Variants in SCYL3 observed in about 807,000 individuals in gnomAD.
The protein encoded by SCYL3 is SCY1 like pseudokinase 3, also known as protein-associating with the carboxyl-terminal domain of ezrin.
Under a neutral mutation model 73.8 loss-of-function variants are expected in SCYL3, and 35 were observed. That is an observed-to-expected ratio of 0.47 (90% CI 0.36 to 0.63). The LOEUF is 0.63. Ranked by LOEUF, SCYL3 falls within the 20% of genes least tolerant of loss-of-function variation. The probability of loss-of-function intolerance (pLI) is 0.00; values close to 1 mark genes in which losing one functional copy is unlikely to be tolerated. For missense variants in SCYL3, 712 were observed against 798.9 expected, an observed-to-expected ratio of 0.89 and a Z score of 1.31; for synonymous variants, 277 against 295.2, an observed-to-expected ratio of 0.94 and a Z score of 0.63.
At chr1:169,892,239 T>C (rs1662136861) in intron 1 of SCYL3, among the ~76,000 whole-genome samples, 1 of 151,780 alleles carries the variant, frequency 6.6e-6, no homozygotes, top group Non-Finnish European at 1.5e-5. Flanking sequence ...TACTGTTATA[T>C]GAAGAAGTTT....
chr1:169,851,035 G>T lies in SCYL3; in HGVS notation c.*2678C>A, dbSNP rs1482633147. 3.3e-5 allele frequency: 1 copy of T among 30,568 alleles called. No individual in the cohort carries two copies. The highest frequency in any genetic ancestry group is 1.1e-4 in the African/African-American group (1 of 9,432). The allele number at this position is 30,568 out of a possible 1,614,324, so 1.9% of individuals were successfully genotyped here. ...TGGGCAGCCTCCCAAGCCAGGGTAA[G>T]CTCAGGGCCCTTTTTTTTTTTTTTT... On this transcript the variant is annotated 3_prime_UTR_variant, in exon 13 of 13. Coordinates refer to ENST00000367771, the MANE Select transcript of SCYL3 (RefSeq NM_020423.7).
chr1:169,876,892 T>C (rs1330897307), intron 3 of SCYL3, among the ~76,000 whole-genome samples: 1 of 139,514 alleles, frequency 7.2e-6, no homozygotes, highest in Non-Finnish European at 1.5e-5. Flanking sequence ...GAGGTGGAGC[T>C]TGCAGTGAGC....
intron 2 of SCYL3, among the ~76,000 whole-genome samples, chr1:169,886,141 C>T (rs1317289217): frequency 6.6e-6 from 1 of 152,076 alleles, no homozygotes; most frequent in Non-Finnish European, 1.5e-5. Flanking sequence ...TGAAACCCCA[C>T]CTCTACTAAA....
chr1:169,873,643 C>T (rs779673395), intron 5 of SCYL3, 53 bp downstream of exon 5: 2 of 1,264,170 alleles, frequency 1.6e-6, no homozygotes, highest in Non-Finnish European at 2.2e-6. Context: ...TTTAAAATTT[C>T]ATACTCAATT....
At chr1:169,892,057 T>A (rs917521925) in intron 1 of SCYL3, among the ~76,000 whole-genome samples, 1 of 152,224 alleles carries the variant, frequency 6.6e-6, no homozygotes, top group Non-Finnish European at 1.5e-5. Flanking sequence ...ATGTTAACTT[T>A]GACAGAAGTC....
intron 10 of SCYL3, among the ~76,000 whole-genome samples, chr1:169,860,296 C>G (rs954597934): frequency 3.9e-5 from 6 of 152,190 alleles, no homozygotes; most frequent in Non-Finnish European, 8.8e-5. Context: ...CAGTTACTTG[C>G]AACCAAAAAC....
Position 169,852,588 on chromosome 1 carries a change from T to TAGC in SCYL3, c.*1122_*1124dup, listed in dbSNP as rs1200949910. The TAGC allele has an allele frequency of 5.1e-6, 3 of 586,390 alleles. No homozygotes were observed. Among genetic ancestry groups the TAGC allele is most frequent in the African/African-American group, 3.7e-5 (2 of 53,604 alleles). The allele number at this position is 586,390 out of a possible 1,614,324, so 36.3% of individuals were successfully genotyped here. On this transcript the variant is annotated 3_prime_UTR_variant, in exon 13 of 13. Coordinates refer to ENST00000367771, the MANE Select transcript of SCYL3 (RefSeq NM_020423.7). ...CACATACAAACTAAGACACTGGTAGTAGCACTCTGAATTGCTATGATAAAC... is the reference window on the plus strand; with the variant it reads ...CACATACAAACTAAGACACTGGTAGTAGCAGCACTCTGAATTGCTATGATAAAC...
intron 7 of SCYL3, 38 bp downstream of exon 7, chr1:169,868,890 C>G (rs1660212227): frequency 6.8e-7 from 1 of 1,478,426 alleles, no homozygotes; most frequent in Non-Finnish European, 9.4e-7. Flanking sequence ...CAGCAGTGTT[C>G]CGGAAGCAGC....
intron 2 of SCYL3, among the ~76,000 whole-genome samples, chr1:169,884,545 AC>A (rs2102207207): frequency 6.6e-6 from 1 of 152,208 alleles, no homozygotes; most frequent in East Asian, 1.9e-4. Flanking sequence ...TGATCCACCT[AC>A]CTCGGCCTCC....
At position 169,854,172 on chromosome 1, in the gene SCYL3, A is replaced by AAAT. The variant is rs1658881183; in HGVS notation, c.2007+95_2007+97dup. The AAAT allele has an allele frequency of 2.1e-5, 18 of 872,850 alleles. No homozygotes were observed. The East Asian group carries it at 4.3e-4, about 21-fold the overall frequency. 54.1% of individuals were successfully genotyped at this position (872,850 alleles called of 1,614,324 possible). ...AATTTTGTGCTTGACTTGACTAGGA[A>AAAT]AATAGCATGTTGCTTGTTATAAATG... On this transcript the variant is annotated intron_variant, in intron 12 of 12. Coordinates refer to ENST00000367771, the MANE Select transcript of SCYL3 (RefSeq NM_020423.7).
At chr1:169,853,962 A>AAT in intron 12 of SCYL3, 190 bp from the exon 13 acceptor site, 1 of 660,060 alleles carries the variant, frequency 1.5e-6, no homozygotes, top group South Asian at 2.1e-5. Flanking sequence ...GGCACTGGAA[A>AAT]ATAGCTTTTC....
At chr1:169,882,342 T>TC (rs933265320) in intron 2 of SCYL3, among the ~76,000 whole-genome samples, 1 of 152,180 alleles carries the variant, frequency 6.6e-6, no homozygotes, top group African/African-American at 2.4e-5. Flanking sequence ...TTAGCTGCCT[T>TC]CCCACGGGGC....
chr1:169,851,962 AAACTTT>A lies in SCYL3; in HGVS notation c.*1745_*1750del. On this transcript the variant is annotated 3_prime_UTR_variant, in exon 13 of 13. Coordinates refer to ENST00000367771, the MANE Select transcript of SCYL3 (RefSeq NM_020423.7). Reference sequence around the variant, plus strand: ...GTATGGGCTGATTTCAATAGGGGCCAAACTTTAACAAGGCAAATTCTGCCCTTTTTA... The same window carrying A: ...GTATGGGCTGATTTCAATAGGGGCCAAACAAGGCAAATTCTGCCCTTTTTA... 6.2e-7 allele frequency: 1 copy of A among 1,613,894 alleles called. No homozygotes were observed. Among genetic ancestry groups the A allele is most frequent in the Admixed American group, 1.7e-5 (1 of 60,026 alleles).
At chr1:169,869,086 T>A (rs1660225809) in intron 6 of SCYL3, 47 bp from the exon 7 acceptor site, 2 of 1,474,924 alleles carry the variant, frequency 1.4e-6, no homozygotes, top group African/African-American at 2.8e-5. Context: ...CTCCCTCTTT[T>A]CAGGACCTCT....
Position 169,853,706 on chromosome 1 carries a change from T to A in SCYL3, c.*7A>T, listed in dbSNP as rs758066967. 4.3e-6 allele frequency: 7 copies of A among 1,613,266 alleles called. No individual in the cohort carries two copies. The highest frequency in any genetic ancestry group is 1.7e-5 in the Admixed American group (1 of 59,958). On this transcript the variant is annotated 3_prime_UTR_variant, in exon 13 of 13. Coordinates refer to ENST00000367771, the MANE Select transcript of SCYL3 (RefSeq NM_020423.7). ...CCTTTTTCCTAAAGTTTAACTCACA[T>A]CTATTGTCACCAGTTATTATCTTCC...
At chr1:169,891,756 T>C (rs1662101838) in intron 1 of SCYL3, among the ~76,000 whole-genome samples, 2 of 152,240 alleles carry the variant, frequency 1.3e-5, no homozygotes, top group Admixed American at 6.5e-5. Flanking sequence ...CTCTGGCTGA[T>C]GAATGGCAGT....
intron 10 of SCYL3, 35 bp from the exon 11 acceptor site, chr1:169,859,247 A>G (rs372470138): frequency 8.2e-6 from 13 of 1,576,054 alleles, no homozygotes; most frequent in Admixed American, 3.8e-5. Flanking sequence ...GTTGACAACC[A>G]CAATACCTAT....
At position 169,859,152 on chromosome 1, in the gene SCYL3, C is replaced by T; in HGVS notation, c.1201G>A (p.Ala401Thr). ...GGTCCAAGCAGAGAGACCAGCACTG[C>T]TAGGCTATGCAGAGTAATTGCCACA... ...SIVAITLHSL[A>T]VLVSLLGPEV... Residue 401 changes from alanine to threonine, a missense_variant, in exon 11 of 13, where the codon GCA (alanine) becomes ACA (threonine). Physicochemically the swap from Ala to Thr is moderately conservative, Grantham distance 58. Transcript: ENST00000367771. 1 of 1,613,984 alleles carries T rather than the reference C, an allele frequency of 6.2e-7. No individual in the cohort carries two copies. Among genetic ancestry groups the T allele is most frequent in the African/African-American group, 1.3e-5 (1 of 75,006 alleles).
At chr1:169,878,922 G>T in intron 2 of SCYL3, 103 bp from the exon 3 acceptor site, 1 of 1,058,592 alleles carries the variant, frequency 9.4e-7, no homozygotes. Flanking sequence ...TTGCAGTTAA[G>T]GCTCTTTTGA....
Sources: allele counts gnomAD v4.1 joint callset (sites outside exome capture counted in the v4.1 genomes callset), GRCh38; gene constraint gnomAD v4.1.1; transcripts MANE v1.5; gene names NCBI Gene and HGNC (gene_info 2026-07-23, HGNC 2026-07-21).